The following ACTR10 variants were observed in gnomAD, a reference collection of about 807,000 sequenced individuals.
ACTR10 encodes actin related protein 10.
ACTR10 carries 43 observed loss-of-function variants against 56.2 expected under a neutral mutation model. That is an observed-to-expected ratio of 0.77 (90% CI 0.60 to 0.99). The LOEUF (loss-of-function observed/expected upper bound fraction) is 0.99. Ranked by LOEUF, ACTR10 falls within the 50% of genes least tolerant of loss-of-function variation. ACTR10 has a pLI of 0.00. For missense variants in ACTR10, 466 were observed against 507.8 expected (o/e 0.92, Z 0.79); for synonymous variants, 170 against 176.3 (o/e 0.96, Z 0.28).
intron 4 of ACTR10, among the ~76,000 whole-genome samples, chr14:58,210,726 G>A (rs949822317): frequency 1.6e-4 from 23 of 147,914 alleles, no homozygotes; most frequent in African/African-American, 5.2e-4. Context: ...CCAGGCTGGA[G>A]TGCAATGGCG....
intron 4 of ACTR10, 60 bp downstream of exon 4, chr14:58,209,167 A>G (rs1888937628): frequency 8.3e-7 from 1 of 1,209,676 alleles, no homozygotes; most frequent in Admixed American, 2.4e-5. Context: ...AAGCAATAAA[A>G]TTCTTACCAA....
rs1239583226 is a variant in ACTR10, at chr14:58,202,924, T to C, written c.147T>C (p.Pro49=). 1.3e-6 allele frequency: 2 copies of C among 1,549,378 alleles called. No individual in the cohort carries two copies. Among genetic ancestry groups the C allele is most frequent in the Admixed American group, 3.7e-5 (2 of 54,012 alleles). ...IPSVIKRAGM[P]KPVRVVQYNI... ...GTGTGATAAAAAGAGCTGGGATGCC[T>C]AAGGTATTTAAAAAAAAATATTAGC... is the stretch of plus-strand genomic sequence containing the variant. Residue 49 remains proline, a synonymous_variant, in exon 2 of 13, where the codon CCT becomes CCC. Coordinates refer to ENST00000254286, the MANE Select transcript of ACTR10 (RefSeq NM_018477.3).
chr14:58,211,709 A>G (rs1460100365), intron 5 of ACTR10, among the ~76,000 whole-genome samples: 2 of 152,176 alleles, frequency 1.3e-5, no homozygotes, highest in Non-Finnish European at 1.5e-5. Flanking sequence ...AAATCATACA[A>G]AGAGTAATTG....
chr14:58,213,787 C>A, intron 6 of ACTR10, 89 bp downstream of exon 6: 1 of 935,628 alleles, frequency 1.1e-6, no homozygotes, highest in Non-Finnish European at 1.6e-6. Context: ...CAATAGAGGG[C>A]TTGTGATACG....
chr14:58,215,091 G>C lies in ACTR10; in HGVS notation c.519-114G>C, dbSNP rs1016072879. Reference sequence around the variant, plus strand: ...ACTTCACTCCAGCCTGGGCAACAGAGTAAGACTGTCTCCAAAAAAAAAATC... The same window carrying C: ...ACTTCACTCCAGCCTGGGCAACAGACTAAGACTGTCTCCAAAAAAAAAATC... On this transcript the variant is annotated intron_variant, in intron 6 of 12. Transcript: ENST00000254286. 155 of 634,646 alleles carry C rather than the reference G, an allele frequency of 2.4e-4. 1 individual carries two copies. In the East Asian group the frequency reaches 4.5e-3, roughly 18 times the overall value. The allele number at this position is 634,646 out of a possible 1,614,324, so 39.3% of individuals were successfully genotyped here.
At chr14:58,202,309 C>T (rs1352473306) in intron 1 of ACTR10, among the ~76,000 whole-genome samples, 2 of 151,682 alleles carry the variant, frequency 1.3e-5, no homozygotes, top group East Asian at 1.9e-4. Flanking sequence ...TGGCCAGGCG[C>T]GGTGGCCCAC....
At chr14:58,200,565 C>G (rs758586584) in intron 1 of ACTR10, among the ~76,000 whole-genome samples, 1 of 152,212 alleles carries the variant, frequency 6.6e-6, no homozygotes, top group Non-Finnish European at 1.5e-5. Flanking sequence ...ACCCAACAAA[C>G]CCTTTGGGAT....
rs1160052591 is a variant in ACTR10, at chr14:58,223,834, T to G, written c.766T>G (p.Leu256Val). Residue 256 changes from leucine to valine, a missense_variant, in exon 10 of 13, where the codon TTA (leucine) becomes GTA (valine). Physicochemically the swap from Leu to Val is conservative, Grantham distance 32 (BLOSUM62 1). Coordinates refer to ENST00000254286, the MANE Select transcript of ACTR10 (RefSeq NM_018477.3). Reference protein sequence around the residue: ...VDYPLDGEKILHILGSIRDSV... With the variant: ...VDYPLDGEKIVHILGSIRDSV... ...CTATCCATTAGATGGAGAGAAGATT[T>G]TACATATCCTTGGATCAATCAGGTT... is the stretch of plus-strand genomic sequence containing the variant. 1.2e-6 allele frequency: 2 copies of G among 1,612,892 alleles called. No individual in the cohort carries two copies. The highest frequency in any genetic ancestry group is 1.7e-6 in the Non-Finnish European group (2 of 1,179,140).
chr14:58,227,454 G>T (rs145352154), intron 10 of ACTR10, among the ~76,000 whole-genome samples: 1 of 152,268 alleles, frequency 6.6e-6, no homozygotes, highest in African/African-American at 2.4e-5. Flanking sequence ...AAATGAACTT[G>T]TCTTTCCAAA....
intron 7 of ACTR10, among the ~76,000 whole-genome samples, chr14:58,219,032 C>T (rs1488743398): frequency 6.6e-6 from 1 of 152,144 alleles, no homozygotes; most frequent in Admixed American, 6.6e-5. Flanking sequence ...GTTGGTCAGG[C>T]TGGTCTTGAA....
At chr14:58,223,335 G>A (rs529808415) in intron 8 of ACTR10, among the ~76,000 whole-genome samples, 7 of 152,186 alleles carry the variant, frequency 4.6e-5, no homozygotes, top group East Asian at 1.9e-4. Flanking sequence ...ATGGGGTGTC[G>A]CCCTGTTGGG....
intron 7 of ACTR10, among the ~76,000 whole-genome samples, chr14:58,216,350 G>A (rs1239822955): frequency 2.0e-5 from 3 of 151,990 alleles, no homozygotes; most frequent in Admixed American, 6.6e-5. Context: ...GGCTGGTCTC[G>A]AACTCCTGAG....
chr14:58,205,390 C>G (rs1226732884), intron 2 of ACTR10, among the ~76,000 whole-genome samples: 1 of 147,368 alleles, frequency 6.8e-6, no homozygotes, highest in Non-Finnish European at 1.5e-5. Flanking sequence ...TCTGGGCTCA[C>G]TACAAGCCCC....
At chr14:58,209,895 C>CA (rs1266795954) in intron 4 of ACTR10, among the ~76,000 whole-genome samples, 1 of 151,894 alleles carries the variant, frequency 6.6e-6, no homozygotes, top group African/African-American at 2.4e-5. Context: ...TACCTAATAC[C>CA]AAAAATCACA....
chr14:58,221,998 A>T (rs1208218236), intron 8 of ACTR10, among the ~76,000 whole-genome samples: 1 of 152,174 alleles, frequency 6.6e-6, no homozygotes, highest in Non-Finnish European at 1.5e-5. Flanking sequence ...TATAAAACAT[A>T]TAAGTAGCTT....
intron 4 of ACTR10, 97 bp from the exon 5 acceptor site, chr14:58,211,195 C>G (rs550686258): frequency 8.3e-6 from 7 of 838,454 alleles, no homozygotes; most frequent in Non-Finnish European, 5.9e-6. Context: ...ATATAATGTT[C>G]CTGTGAATTT....
chr14:58,219,629 G>A, intron 7 of ACTR10, 65 bp from the exon 8 acceptor site: 1 of 991,758 alleles, frequency 1.0e-6, no homozygotes. Context: ...GAAATGTGAA[G>A]GCAATTTAAT....
intron 7 of ACTR10, among the ~76,000 whole-genome samples, chr14:58,215,504 A>G (rs1257006020): frequency 6.6e-6 from 1 of 151,974 alleles, no homozygotes. Context: ...GTGGATCATC[A>G]TGTACTCTTG....
intron 10 of ACTR10, among the ~76,000 whole-genome samples, chr14:58,225,916 T>G (rs1211354836): frequency 2.0e-5 from 3 of 152,140 alleles, no homozygotes; most frequent in African/African-American, 7.2e-5. Flanking sequence ...TTCACCATGT[T>G]GGCAAGGCTG....
Sources: gnomAD v4.1 joint callset for allele counts (sites outside exome capture counted in the v4.1 genomes callset) on GRCh38, gnomAD v4.1.1 for gene constraint, MANE v1.5 for transcripts, NCBI Gene and HGNC (gene_info 2026-07-23, HGNC 2026-07-21) for gene names.